The following GTF2H2C variants were observed in gnomAD, a reference collection of about 807,000 sequenced individuals.
GTF2H2C encodes GTF2H2 family member C.
A neutral mutation model predicts 24.8 loss-of-function variants in GTF2H2C; 5 were observed. The ratio of observed to expected loss-of-function variants is 0.20; its 90% CI spans 0.11 to 0.42. The LOEUF is 0.42. GTF2H2C is among the 20% of genes least tolerant of loss of function. The probability of loss-of-function intolerance (pLI) is 1.00; values close to 1 mark genes in which losing one functional copy is unlikely to be tolerated. For missense variants in GTF2H2C, 45 were observed against 169.8 expected, an observed-to-expected ratio of 0.27 and a Z score of 4.08; for synonymous variants, 14 against 52.6, an observed-to-expected ratio of 0.27 and a Z score of 3.18.
intron 9 of GTF2H2C, among the ~76,000 whole-genome samples, chr5:69,573,025 TTA>T (rs531442685): frequency 7.6e-5 from 10 of 131,854 alleles, no homozygotes; most frequent in Non-Finnish European, 1.1e-4. Context: ...TAGTTAAAGC[TTA>T]TATATATATA....
At chr5:69,566,286 T>C in intron 4 of GTF2H2C, 78 bp downstream of exon 4, 2 of 1,504,438 alleles carry the variant, frequency 1.3e-6, no homozygotes, top group Non-Finnish European at 1.8e-6. Flanking sequence ...TACTCCTCAG[T>C]ACTTCATTTT....
chr5:69,563,228 T>G (rs1180228433), intron 2 of GTF2H2C, among the ~76,000 whole-genome samples: 1 of 147,974 alleles, frequency 6.8e-6, no homozygotes, highest in Non-Finnish European at 1.5e-5. Flanking sequence ...TTTTTTTTTT[T>G]TTTTGAGACG....
chr5:69,563,776 G>A (rs979697753), intron 2 of GTF2H2C, among the ~76,000 whole-genome samples: 7 of 151,960 alleles, frequency 4.6e-5, no homozygotes, highest in African/African-American at 1.7e-4. Context: ...ACTCGTAAAT[G>A]AGAACATGCC....
At chr5:69,564,887 A>G (rs919160307) in intron 2 of GTF2H2C, among the ~76,000 whole-genome samples, 3 of 152,126 alleles carry the variant, frequency 2.0e-5, no homozygotes, top group African/African-American at 7.2e-5. Context: ...TTTTATTGGT[A>G]CCAAGTTTGT....
chr5:69,573,235 G>A (rs1378171350), intron 9 of GTF2H2C, among the ~76,000 whole-genome samples: 6 of 133,414 alleles, frequency 4.5e-5, no homozygotes, highest in African/African-American at 1.7e-4. Flanking sequence ...ACCCAGGCTG[G>A]CATGCAGTGG....
chr5:69,588,314 GA>G lies in GTF2H2C; in HGVS notation c.1028+1965del, dbSNP rs547436933. On this transcript the variant is annotated intron_variant, in intron 15 of 16. Coordinates refer to ENST00000380729, the MANE Select transcript of GTF2H2C (RefSeq NM_001376000.2). Reference sequence around the variant, plus strand: ...ATATGAGAATGATACGAGAAAAAAAGAAAAAAAGTAGGATAGAAAATCATCA... The same window carrying G: ...ATATGAGAATGATACGAGAAAAAAAGAAAAAAGTAGGATAGAAAATCATCA... 7.9e-3 allele frequency among the ~76,000 whole-genome samples: 217 copies of G among 27,488 alleles called. 96 individuals carry two copies. The highest frequency in any genetic ancestry group is 0.028 in the African/African-American group (203 of 7,204). 18.0% of individuals were successfully genotyped at this position (27,488 alleles called of 152,430 possible).
At chr5:69,563,403 C>A (rs1289445184) in intron 2 of GTF2H2C, among the ~76,000 whole-genome samples, 1 of 151,548 alleles carries the variant, frequency 6.6e-6, no homozygotes, top group East Asian at 2.0e-4. Flanking sequence ...TTAGTAGAGA[C>A]GGGTGTTGCC....
At chr5:69,563,785 C>G (rs1251543337) in intron 2 of GTF2H2C, among the ~76,000 whole-genome samples, 1 of 151,964 alleles carries the variant, frequency 6.6e-6, no homozygotes, top group Non-Finnish European at 1.5e-5. Context: ...TGAGAACATG[C>G]CGTCTTTGGT....
chr5:69,573,196 A>T (rs2666617), intron 9 of GTF2H2C, among the ~76,000 whole-genome samples: 162 of 144,414 alleles, frequency 1.1e-3, no homozygotes, highest in African/African-American at 3.7e-3. Flanking sequence ...ATATATATAT[A>T]TTTTTTCGAG....
At chr5:69,566,339 G>A in intron 4 of GTF2H2C, 131 bp downstream of exon 4, 1 of 1,233,180 alleles carries the variant, frequency 8.1e-7, no homozygotes, top group South Asian at 1.5e-5. Context: ...TCTGACTATG[G>A]GGAAAGAACT....
At chr5:69,579,653 T>TA in intron 11 of GTF2H2C, 104 bp from the exon 12 acceptor site, 1 of 1,061,160 alleles carries the variant, frequency 9.4e-7, no homozygotes, top group Non-Finnish European at 1.3e-6. Context: ...ATCATTATTT[T>TA]AAAAATGTAC....
At chr5:69,570,578 A>G (rs1354658987) in intron 8 of GTF2H2C, among the ~76,000 whole-genome samples, 1 of 13,186 alleles carries the variant, frequency 7.6e-5, no homozygotes, top group Non-Finnish European at 1.7e-4. Context: ...TAAGTTTCCA[A>G]AGCAATATGT....
intron 2 of GTF2H2C, 105 bp from the exon 3 acceptor site, chr5:69,564,995 C>G (rs1420563598): frequency 9.9e-7 from 1 of 1,009,480 alleles, no homozygotes; most frequent in Non-Finnish European, 1.5e-6. Context: ...GATGACCTGG[C>G]ATTCCATTTT....
Position 69,572,516 on chromosome 5 carries a change from T to A in GTF2H2C, c.436T>A (p.Tyr146Asn), listed in dbSNP as rs769502603. ...GACCTGCCATGGAGAGCCATCTCTT[T>A]ATAATTCCCTAAGCATGGCTATGCA... Reference protein sequence around the residue: ...DMTCHGEPSLYNSLSMAMQTL... With the variant: ...DMTCHGEPSLNNSLSMAMQTL... Residue 146 changes from tyrosine to asparagine, a missense_variant, in exon 9 of 17, where the codon TAT becomes AAT. By Grantham distance (143) the Tyr-to-Asn change is moderately radical. Coordinates refer to ENST00000380729, the MANE Select transcript of GTF2H2C (RefSeq NM_001376000.2). The A allele has an allele frequency of 3.8e-6, 6 of 1,565,104 alleles. No individual in the cohort carries two copies. The highest frequency in any genetic ancestry group is 3.6e-5 in the Admixed American group (2 of 54,936).
intron 2 of GTF2H2C, among the ~76,000 whole-genome samples, chr5:69,563,706 T>C (rs1487747093): frequency 6.6e-6 from 1 of 152,076 alleles, no homozygotes; most frequent in Non-Finnish European, 1.5e-5. Context: ...CCCTGTCTAA[T>C]AGTCTCCAAT....
Position 69,592,776 on chromosome 5 carries a change from T to A in GTF2H2C, c.*578T>A, listed in dbSNP as rs1772035513. The A allele has an allele frequency of 2.7e-5, 1 of 36,770 alleles. No individual in the cohort carries two copies. 2.3% of individuals were successfully genotyped at this position (36,770 alleles called of 1,614,324 possible). Reference sequence around the variant, plus strand: ...AAAAATAATTAGCCGGGCATGGTGGTTCACGCCTGGAGTCCCAGCTACTTG... The same window carrying A: ...AAAAATAATTAGCCGGGCATGGTGGATCACGCCTGGAGTCCCAGCTACTTG... On this transcript the variant is annotated 3_prime_UTR_variant, in exon 17 of 17. Transcript: ENST00000380729.
In GTF2H2C at chr5:69,560,368, A is replaced by G. The variant is rs1407206493; in HGVS notation, c.-167A>G. The G allele has an allele frequency of 2.0e-5, 3 of 149,698 alleles. No individual in the cohort carries two copies. The highest frequency in any genetic ancestry group is 4.9e-5 in the African/African-American group (2 of 40,630). The allele number at this position is 149,698 out of a possible 1,614,324, so 9.3% of individuals were successfully genotyped here. ...ATTGCCCTGCCTGGGCTCATAGGGA[A>G]GGAGGATGTGAAGGAGCTTGTGAAG... On this transcript the variant is annotated 5_prime_UTR_variant, in exon 1 of 17. Coordinates refer to ENST00000380729, the MANE Select transcript of GTF2H2C (RefSeq NM_001376000.2).
At chr5:69,587,118 T>TG (rs1771760014) in intron 15 of GTF2H2C, among the ~76,000 whole-genome samples, 1 of 109,680 alleles carries the variant, frequency 9.1e-6, no homozygotes, top group African/African-American at 4.3e-5. Flanking sequence ...AGGCAGAGGT[T>TG]GCGGTGAGCC....
rs761907089 is a variant in GTF2H2C, at chr5:69,572,465, A to T, written c.385A>T (p.Thr129Ser). 6 of 1,552,986 alleles carry T rather than the reference A, an allele frequency of 3.9e-6. No individual in the cohort carries two copies. In the Admixed American group the frequency reaches 1.1e-4, roughly 29 times the overall value. Residue 129 changes from threonine (T) to serine (S), a missense_variant, in exon 9 of 17, where the codon ACG (threonine) becomes TCG (serine). By Grantham distance (58) the Thr-to-Ser change is moderately conservative (BLOSUM62 1). Coordinates refer to ENST00000380729, the MANE Select transcript of GTF2H2C (RefSeq NM_001376000.2). ...TTTAGGAAACCCAAGAAAACATATA[A>T]CGTCTTTGAAGGAAGCTGTGGATAT... ...ELSGNPRKHI[T>S]SLKEAVDMTC...
Sources: allele counts gnomAD v4.1 joint callset (sites outside exome capture counted in the v4.1 genomes callset), GRCh38; gene constraint gnomAD v4.1.1; transcripts MANE v1.5; gene names NCBI Gene and HGNC (gene_info 2026-07-23, HGNC 2026-07-21).